Variants in AGBL5 observed in about 807,000 individuals in gnomAD.
AGBL5 encodes the protein AGBL carboxypeptidase 5, also known as cytosolic carboxypeptidase-like protein 5.
AGBL5 carries 51 observed loss-of-function variants against 88.0 expected under a neutral mutation model. That is an observed-to-expected ratio of 0.58 (90% CI 0.46 to 0.73). The LOEUF (loss-of-function observed/expected upper bound fraction) is 0.73. Ranked by LOEUF, AGBL5 falls within the 30% of genes least tolerant of loss-of-function variation. The probability of loss-of-function intolerance (pLI) is 0.00; values close to 1 mark genes in which losing one functional copy is unlikely to be tolerated. For missense variants in AGBL5, 1,031 were observed against 1,162.2 expected, an observed-to-expected ratio of 0.89 and a Z score of 1.64; for synonymous variants, 446 against 438.8, an observed-to-expected ratio of 1.02 and a Z score of -0.21.
In AGBL5 at chr2:27,056,036, C is replaced by T. The variant is rs1209212381; in HGVS notation, c.1263C>T (p.Pro421=). 6.2e-7 allele frequency: 1 copy of T among 1,614,206 alleles called. No individual in the cohort carries two copies. The highest frequency in any genetic ancestry group is 8.5e-7 in the Non-Finnish European group (1 of 1,180,048). The stretch of plus-strand genomic sequence containing the variant: ...AAGAGTCAGCCCCTGATACCATCCC[C>T]CCCAAAGAGAGTGGCGTTGCTTACT... ...GLEESAPDTI[P]PKESGVAYYV... is the part of the protein sequence containing the mutation. Residue 421 remains proline, a synonymous_variant, in exon 7 of 15, where the codon CCC becomes CCT. Transcript: ENST00000360131.
chr2:27,058,313 T>G (rs1430180236), intron 9 of AGBL5, 87 bp from the exon 10 acceptor site: 1 of 1,477,336 alleles, frequency 6.8e-7, no homozygotes, highest in Non-Finnish European at 9.4e-7. Flanking sequence ...GGCCCCTCCT[T>G]CCCTTCCACT....
chr2:27,060,114 A>C (rs1325135413), intron 11 of AGBL5, among the ~76,000 whole-genome samples: 1 of 152,220 alleles, frequency 6.6e-6, no homozygotes, highest in African/African-American at 2.4e-5. Flanking sequence ...GTGCCACTGC[A>C]CTCCAGCCTG....
chr2:27,069,313 G>A (rs1381876154), intron 13 of AGBL5: 1 of 985,398 alleles, frequency 1.0e-6, no homozygotes, highest in South Asian at 4.7e-5. Context: ...CCAGACCTTA[G>A]TCATGGTGTA....
At chr2:27,065,178 A>G (rs909079924) in intron 11 of AGBL5, among the ~76,000 whole-genome samples, 5 of 152,222 alleles carry the variant, frequency 3.3e-5, no homozygotes, top group African/African-American at 1.2e-4. Context: ...ATTAATGGTC[A>G]GTTGGCATGC....
chr2:27,060,377 G>A (rs960098008), intron 11 of AGBL5, among the ~76,000 whole-genome samples: 3 of 152,132 alleles, frequency 2.0e-5, no homozygotes, highest in Admixed American at 6.5e-5. Context: ...GGGCCTTTAG[G>A]GAAAAAGAAG....
In AGBL5 at chr2:27,053,021, C is replaced by A; in HGVS notation, c.63C>A (p.His21Gln). ...GCTTTGATTCAGGGAATCTAGCCCA[C>A]GTGGAGAAGGTGGAATCTTTGTCCA... is the stretch of plus-strand genomic sequence containing the variant. ...SSRFDSGNLAHVEKVESLSSD... is the reference protein window; with the variant it reads ...SSRFDSGNLAQVEKVESLSSD... Residue 21 changes from histidine to glutamine, a missense_variant, in exon 2 of 15, where the codon CAC becomes CAA. Transcript: ENST00000360131. The surrounding 1 kb of genome is among the most constrained non-coding windows in gnomAD (Gnocchi z 4.9). The A allele has an allele frequency of 6.2e-7, 1 of 1,613,630 alleles. No individual in the cohort carries two copies.
chr2:27,052,759 G>T (rs1668223176), intron 1 of AGBL5, among the ~76,000 whole-genome samples, 154 bp from the exon 2 acceptor site: 1 of 152,162 alleles, frequency 6.6e-6, no homozygotes, highest in African/African-American at 2.4e-5. Flanking sequence ...CTTGGCCTTT[G>T]CTGGAAGACC....
Position 27,070,611 on chromosome 2 carries a change from T to C in AGBL5, c.*348T>C. ...AGACTCTGAGGAAATAAAAGTTGTT[T>C]GGAAAAATCCAGGTGTAGTTGCTTT... On this transcript the variant is annotated 3_prime_UTR_variant, in exon 15 of 15. Transcript: ENST00000360131. The C allele has an allele frequency of 4.7e-6, 1 of 212,654 alleles. No homozygotes were observed. Among genetic ancestry groups the C allele is most frequent in the African/African-American group, 2.3e-5 (1 of 43,948 alleles). The allele number at this position is 212,654 out of a possible 1,614,324, so 13.2% of individuals were successfully genotyped here.
At chr2:27,054,490 C>T in intron 4 of AGBL5, 140 bp from the exon 5 acceptor site, 2 of 759,816 alleles carry the variant, frequency 2.6e-6, no homozygotes, top group East Asian at 2.6e-5. Flanking sequence ...TCCTTAGCCT[C>T]ATTTAACATT....
chr2:27,053,231 C>A lies in AGBL5; in HGVS notation c.215+58C>A. On this transcript the variant is annotated intron_variant, in intron 2 of 14. Transcript: ENST00000360131. The surrounding 1 kb of genome is among the most constrained non-coding windows in gnomAD (Gnocchi z 4.9). ...CTCCAAACCCATGCTTCAGTTAGCC[C>A]TCTGACTTATCTGTTCATACCCAGC... 1 of 1,536,764 alleles carries A rather than the reference C, an allele frequency of 6.5e-7. No individual in the cohort carries two copies. Among genetic ancestry groups the A allele is most frequent in the Non-Finnish European group, 8.8e-7 (1 of 1,135,056 alleles).
chr2:27,054,122 T>A (rs1668312281), intron 4 of AGBL5, 63 bp downstream of exon 4: 1 of 1,519,578 alleles, frequency 6.6e-7, no homozygotes, highest in Non-Finnish European at 8.9e-7. Flanking sequence ...CCACTACTTC[T>A]GGAATTTGCT....
Position 27,053,145 on chromosome 2 carries a change from G to A in AGBL5, c.187G>A (p.Ala63Thr), listed in dbSNP as rs1413136987. The A allele has an allele frequency of 2.5e-6, 4 of 1,603,534 alleles. No homozygotes were observed. Among genetic ancestry groups the A allele is most frequent in the Non-Finnish European group, 3.4e-6 (4 of 1,173,620 alleles). ...CAACGTGTGGACCCGACCAGACTGT[G>A]CTGAAACGGAATTTGAGAATGGGAA... Reference protein sequence around the residue: ...EFNVWTRPDCAETEFENGNRS... With the variant: ...EFNVWTRPDCTETEFENGNRS... The change falls in exon 2 of 15, where the codon GCT becomes ACT. Residue 63 changes from alanine to threonine, a missense_variant. By Grantham distance (58) the Ala-to-Thr change is moderately conservative. Transcript: ENST00000360131. The surrounding 1 kb of genome is among the most constrained non-coding windows in gnomAD (Gnocchi z 4.9).
upstream of AGBL5, chr2:27,051,458 C>T (rs948497174): frequency 2.6e-5 from 4 of 152,258 alleles, no homozygotes; most frequent in African/African-American, 4.8e-5. Flanking sequence ...TCTTTCCCGC[C>T]TCCCGGCAGG....
At chr2:27,062,281 AC>A in intron 11 of AGBL5, 1 of 149,912 alleles carries the variant, frequency 6.7e-6, no homozygotes, top group Non-Finnish European at 1.5e-5. Flanking sequence ...GCACCACCAC[AC>A]CCGCTAATTT....
Position 27,053,867 on chromosome 2 carries a change from C to T in AGBL5, c.388-29C>T, listed in dbSNP as rs1183439851. 7.5e-6 allele frequency: 12 copies of T among 1,592,940 alleles called. No homozygotes were observed. Among genetic ancestry groups the T allele is most frequent in the Non-Finnish European group, 1.0e-5 (12 of 1,166,488 alleles). The stretch of plus-strand genomic sequence containing the variant: ...GCTCAGTTCTGACAATGGCATGTTG[C>T]CCCTCCCTCTTCCTCCTCTGCTCTT... On this transcript the variant is annotated intron_variant, in intron 3 of 14. Coordinates refer to ENST00000360131, the MANE Select transcript of AGBL5 (RefSeq NM_021831.6). The surrounding 1 kb of genome is among the most constrained non-coding windows in gnomAD (Gnocchi z 4.9).
chr2:27,054,421 G>T, intron 4 of AGBL5: 2 of 585,010 alleles, frequency 3.4e-6, no homozygotes, highest in Non-Finnish European at 5.9e-6. Flanking sequence ...CACAAACTGG[G>T]GAACAACAAG....
Position 27,053,627 on chromosome 2 carries a change from A to G in AGBL5, c.387+54A>G, listed in dbSNP as rs1346257633. 3 of 1,560,988 alleles carry G rather than the reference A, an allele frequency of 1.9e-6. No individual in the cohort carries two copies. The highest frequency in any genetic ancestry group is 1.7e-6 in the Non-Finnish European group (2 of 1,158,170). ...ACTTGGGTGCTAAAAGTAGAGAGGAAAGTAAAGCGTTTTTTTTTCCTTGAT... is the reference window on the plus strand; with the variant it reads ...ACTTGGGTGCTAAAAGTAGAGAGGAGAGTAAAGCGTTTTTTTTTCCTTGAT... On this transcript the variant is annotated intron_variant, in intron 3 of 14. Transcript: ENST00000360131. The surrounding 1 kb of genome is among the most constrained non-coding windows in gnomAD (Gnocchi z 4.9).
At chr2:27,067,940 T>C (rs1669077604) in intron 12 of AGBL5, 10 of 452,720 alleles carry the variant, frequency 2.2e-5, no homozygotes, top group Middle Eastern at 6.6e-4. Flanking sequence ...ATGCTACTTA[T>C]GCAAATTCCC....
chr2:27,070,109 C>A lies in AGBL5; in HGVS notation c.2507C>A (p.Pro836His). ...SATPGLPQAR[P>H]PRPRSAPAFS... is the part of the protein sequence containing the mutation. ...TGTTGCAGGCTGCCTCAGGCCAGGC[C>A]CCCACGGCCCCGCTCTGCCCCTGCC... The change falls in exon 15 of 15, where the codon CCC becomes CAC. Residue 836 changes from proline (P) to histidine (H), a missense_variant. By Grantham distance (77) the Pro-to-His change is moderately conservative (BLOSUM62 -2). Transcript: ENST00000360131. 1 of 1,613,526 alleles carries A rather than the reference C, an allele frequency of 6.2e-7. No homozygotes were observed. Among genetic ancestry groups the A allele is most frequent in the African/African-American group, 1.3e-5 (1 of 75,024 alleles).
Sources: gnomAD v4.1 joint callset for allele counts (sites outside exome capture counted in the v4.1 genomes callset) on GRCh38, gnomAD v4.1.1 for gene constraint, Gnocchi (gnomAD v3.1) non-coding constraint, MANE v1.5 for transcripts, NCBI Gene and HGNC (gene_info 2026-07-23, HGNC 2026-07-21) for gene names.